Variants in KDM4B observed in about 807,000 individuals in gnomAD.
KDM4B encodes lysine-specific demethylase 4B.
KDM4B carries 32 observed loss-of-function variants against 125.2 expected under a neutral mutation model. The observed-to-expected ratio is 0.26, with a 90% CI of 0.19 to 0.34. The LOEUF (loss-of-function observed/expected upper bound fraction) is 0.34, where lower values mean the gene tolerates loss of function less well. KDM4B is among the 10% of genes least tolerant of loss of function. The pLI, the probability that KDM4B is intolerant of heterozygous loss-of-function variation, is 1.00. For synonymous variants in KDM4B, 721 were observed against 677.9 expected (o/e 1.06, Z -0.99); for missense variants, 1,190 against 1,577.7 (o/e 0.75, Z 4.16).
At chr19:5,028,443 G>A (rs914475667) in intron 2 of KDM4B, among the ~76,000 whole-genome samples, 27 of 152,322 alleles carry the variant, frequency 1.8e-4, no homozygotes, top group East Asian at 3.9e-4. Context: ...GTATTCCACC[G>A]CATGGATGGG....
chr19:5,043,808 G>A (rs1265741169), intron 5 of KDM4B, among the ~76,000 whole-genome samples: 2 of 127,920 alleles, frequency 1.6e-5, no homozygotes, highest in Non-Finnish European at 3.2e-5. Context: ...CCCGCGTGGT[G>A]TTTATCAGAG....
At chr19:5,041,034 C>T (rs117911584) in intron 4 of KDM4B, 103 bp from the exon 5 acceptor site, 7 of 709,916 alleles carry the variant, frequency 9.9e-6, no homozygotes, top group African/African-American at 1.8e-5. Flanking sequence ...AGCAGAGCCC[C>T]TCCCGCCTCT....
chr19:5,050,682 T>C (rs1223438069), intron 6 of KDM4B, among the ~76,000 whole-genome samples: 3 of 152,182 alleles, frequency 2.0e-5, no homozygotes, highest in South Asian at 4.1e-4. Context: ...GGTTGGATCA[T>C]GAGGTCAGGA....
Position 5,082,808 on chromosome 19 carries a change from C to T in KDM4B, c.918+304C>T, listed in dbSNP as rs1174407058. ...GGCCTCCTGGGCATGGCCGGCTGCT[C>T]GGGTCTAGGGGTTGGGGTGTTTCCT... On this transcript the variant is annotated intron_variant, in intron 9 of 22. Coordinates refer to ENST00000159111, the MANE Select transcript of KDM4B (RefSeq NM_015015.3). This position sits in a 1 kb window ranked among gnomAD's most constrained non-coding sequence, Gnocchi z 5.4. Among the ~76,000 whole-genome samples the T allele has an allele frequency of 2.6e-5, 4 of 152,216 alleles. No homozygotes were observed. Among genetic ancestry groups the T allele is most frequent in the South Asian group, 2.1e-4 (1 of 4,838 alleles).
chr19:5,144,713 G>T (rs1046284895), intron 20 of KDM4B, 70 bp from the exon 21 acceptor site: 3 of 1,596,704 alleles, frequency 1.9e-6, no homozygotes, highest in Non-Finnish European at 2.6e-6. Context: ...CGCGGAGAGG[G>T]TCTAAAACCC....
chr19:5,062,388 A>T (rs1284997065), intron 6 of KDM4B, among the ~76,000 whole-genome samples: 2 of 152,168 alleles, frequency 1.3e-5, no homozygotes, highest in African/African-American at 2.4e-5. Flanking sequence ...GCTGCTGGCG[A>T]CTACGTGATG....
intron 9 of KDM4B, among the ~76,000 whole-genome samples, chr19:5,105,578 G>A (rs1201673586): frequency 6.6e-6 from 1 of 152,172 alleles, no homozygotes; most frequent in Non-Finnish European, 1.5e-5. Context: ...GACAGTAGGC[G>A]TGCACCACCA....
chr19:5,046,782 G>C (rs1415215845), intron 5 of KDM4B, among the ~76,000 whole-genome samples: 1 of 152,222 alleles, frequency 6.6e-6, no homozygotes, highest in Non-Finnish European at 1.5e-5. Context: ...TACCATCGCT[G>C]GGTTAGCCCC....
chr19:5,125,869 C>T (rs2039440565), intron 11 of KDM4B, among the ~76,000 whole-genome samples: 1 of 148,902 alleles, frequency 6.7e-6, no homozygotes. Context: ...TTTTCTTGGA[C>T]ACAGCCGTTT....
At chr19:5,093,260 A>G (rs1216867920) in intron 9 of KDM4B, among the ~76,000 whole-genome samples, 1 of 152,146 alleles carries the variant, frequency 6.6e-6, no homozygotes, top group African/African-American at 2.4e-5. Context: ...ACTCGAGGCT[A>G]CTTTCATTTA....
At chr19:4,991,967 T>G (rs1290717247) in intron 1 of KDM4B, among the ~76,000 whole-genome samples, 3 of 152,206 alleles carry the variant, frequency 2.0e-5, no homozygotes, top group African/African-American at 7.2e-5. Flanking sequence ...TGTTGTTTTC[T>G]CATTCTGCTT....
intron 1 of KDM4B, among the ~76,000 whole-genome samples, chr19:4,969,785 C>T (rs1368276740): frequency 6.6e-6 from 1 of 151,512 alleles, no homozygotes; most frequent in African/African-American, 2.4e-5. Context: ...ATTGCTCCTG[C>T]ACTGCCCCCA....
intron 11 of KDM4B, among the ~76,000 whole-genome samples, chr19:5,123,524 A>C (rs2039398694): frequency 6.6e-6 from 1 of 152,156 alleles, no homozygotes; most frequent in South Asian, 2.1e-4. Flanking sequence ...CTTCCCAAAC[A>C]AGGTGGCACC....
chr19:5,091,148 A>G (rs970147194), intron 9 of KDM4B, among the ~76,000 whole-genome samples: 13 of 152,378 alleles, frequency 8.5e-5, no homozygotes, highest in Admixed American at 5.2e-4. Context: ...TTAGCTCAGC[A>G]CGCGGCCGGG....
chr19:5,085,895 C>A (rs1358883123), intron 9 of KDM4B, among the ~76,000 whole-genome samples: 1 of 152,214 alleles, frequency 6.6e-6, no homozygotes, highest in Non-Finnish European at 1.5e-5. Flanking sequence ...GAGCATCTCG[C>A]CGCACAGATG....
Position 5,114,151 on chromosome 19 carries a change from G to A in KDM4B, c.1115+3333G>A. The A allele has an allele frequency of 7.8e-7, 1 of 1,289,466 alleles. No individual in the cohort carries two copies. The highest frequency in any genetic ancestry group is 1.0e-6 in the Non-Finnish European group (1 of 988,772). 79.9% of individuals were successfully genotyped at this position (1,289,466 alleles called of 1,614,324 possible). On this transcript the variant is annotated intron_variant, in intron 10 of 22. Transcript: ENST00000159111. The surrounding 1 kb of genome is among the most constrained non-coding windows in gnomAD (Gnocchi z 5.8). ...AGCCGGAGCCCTCACAGTGCTCTCT[G>A]GCACCCACGCGACGCTCCTCCATGC...
intron 2 of KDM4B, among the ~76,000 whole-genome samples, chr19:5,026,394 T>G (rs756135238): frequency 6.6e-6 from 1 of 152,114 alleles, no homozygotes; most frequent in Non-Finnish European, 1.5e-5. Flanking sequence ...CACAGCTCAC[T>G]GCGGCCTCAA....
intron 1 of KDM4B, among the ~76,000 whole-genome samples, chr19:5,004,456 G>A (rs1226124523): frequency 6.6e-6 from 1 of 152,082 alleles, no homozygotes; most frequent in Non-Finnish European, 1.5e-5. Context: ...CTCTACCCAC[G>A]ATCCAGAGAC....
intron 9 of KDM4B, among the ~76,000 whole-genome samples, chr19:5,084,222 G>A (rs948389936): frequency 1.3e-5 from 2 of 150,606 alleles, no homozygotes; most frequent in Admixed American, 6.7e-5. Flanking sequence ...ACTCCAGCCT[G>A]GGCAACAAGA....
Sources: gnomAD v4.1 joint callset for allele counts (sites outside exome capture counted in the v4.1 genomes callset) on GRCh38, gnomAD v4.1.1 for gene constraint, Gnocchi (gnomAD v3.1) non-coding constraint, MANE v1.5 for transcripts, NCBI Gene and HGNC (gene_info 2026-07-23, HGNC 2026-07-21) for gene names.